IGDCC4: variants seen among roughly 807,000 people sequenced by gnomAD.
IGDCC4 encodes the protein immunoglobulin superfamily DCC subclass member 4.
IGDCC4 carries 72 observed loss-of-function variants against 116.6 expected under a neutral mutation model. That is an observed-to-expected ratio of 0.62 (90% CI 0.51 to 0.75). The LOEUF (loss-of-function observed/expected upper bound fraction) is 0.75. IGDCC4 is among the 30% of genes least tolerant of loss of function. The pLI is 0.00. For missense variants in IGDCC4, 1,501 were observed against 1,662.4 expected, an observed-to-expected ratio of 0.90 and a Z score of 1.69; for synonymous variants, 709 against 719.9, an observed-to-expected ratio of 0.98 and a Z score of 0.24.
chr15:65,395,220 C>T lies in IGDCC4; in HGVS notation c.1450G>A (p.Asp484Asn), dbSNP rs143498653. Residue 484 changes from aspartate to asparagine, a missense_variant, in exon 8 of 20, where the codon GAC becomes AAC. By Grantham distance (23) the Asp-to-Asn change is conservative (BLOSUM62 1). Transcript: ENST00000352385. ...NVEYQFAVNNDTTELQVRDLE... is the reference protein window; with the variant it reads ...NVEYQFAVNNNTTELQVRDLE... ...TCCCGAACCTGTAGTTCTGTGGTGT[C>T]GTTGTTCACTGCAAACTGGTATTCC... 116 of 1,613,686 alleles carry T rather than the reference C, an allele frequency of 7.2e-5. No homozygotes were observed. Among genetic ancestry groups the T allele is most frequent in the Middle Eastern group, 5.0e-4 (3 of 6,058 alleles).
chr15:65,408,522 G>C (rs2063060681), intron 3 of IGDCC4, among the ~76,000 whole-genome samples: 1 of 152,166 alleles, frequency 6.6e-6, no homozygotes, highest in Non-Finnish European at 1.5e-5. Flanking sequence ...CTGGGCAAAC[G>C]AGCCTAGGAA....
chr15:65,411,140 G>A lies in IGDCC4; in HGVS notation c.301C>T (p.Pro101Ser), dbSNP rs140428374. 3.3e-4 allele frequency: 535 copies of A among 1,614,224 alleles called. 1 individual carries two copies. Among genetic ancestry groups the A allele is most frequent in the Non-Finnish European group, 3.2e-4 (382 of 1,180,042 alleles). The change falls in exon 2 of 20, where the codon CCC (proline) becomes TCC (serine). Residue 101 changes from proline to serine, a missense_variant. Around this residue, in one of 3 missense-constraint regions of IGDCC4, gnomAD observed 898 missense variants for 978.9 expected, o/e 0.92. Coordinates refer to ENST00000352385, the MANE Select transcript of IGDCC4 (RefSeq NM_020962.3). ...GGGACTGACTCGTCACTGCCATTGGGTGCTAGTGGCTGGGACAGCCACAGG... is the reference window on the plus strand; with the variant it reads ...GGGACTGACTCGTCACTGCCATTGGATGCTAGTGGCTGGGACAGCCACAGG... ...GSLWLSQPLA[P>S]NGSDESVPEA...
At chr15:65,412,263 C>T (rs941185137) in intron 1 of IGDCC4, among the ~76,000 whole-genome samples, 3 of 151,968 alleles carry the variant, frequency 2.0e-5, no homozygotes, top group Non-Finnish European at 4.4e-5. Context: ...CCTGTAATCC[C>T]AGCACTTTGG....
At chr15:65,421,608 C>T (rs2063191171) in intron 1 of IGDCC4, among the ~76,000 whole-genome samples, 1 of 152,124 alleles carries the variant, frequency 6.6e-6, no homozygotes, top group African/African-American at 2.4e-5. Context: ...CTTCCCCCCG[C>T]CTCCCTCCCA....
At position 65,411,045 on chromosome 15, in the gene IGDCC4, G is replaced by A. The variant is rs1410339181; in HGVS notation, c.396C>T (p.Ser132=). 1 of 1,611,680 alleles carries A rather than the reference G, an allele frequency of 6.2e-7. No individual in the cohort carries two copies. The highest frequency in any genetic ancestry group is 1.7e-4 in the Middle Eastern group (1 of 6,040). The change falls in exon 2 of 20, where the codon AGC becomes AGT. Residue 132 remains serine, a synonymous_variant. Coordinates refer to ENST00000352385, the MANE Select transcript of IGDCC4 (RefSeq NM_020962.3). ...LAHGPLGVLA[S]QTAVVKLATL... is the part of the protein sequence containing the mutation. ...TGGCAAGCTTGACGACAGCAGTCTGGCTGGCCAGCACTCCGAGGGGGCCGT... is the reference window on the plus strand; with the variant it reads ...TGGCAAGCTTGACGACAGCAGTCTGACTGGCCAGCACTCCGAGGGGGCCGT...
Position 65,393,336 on chromosome 15 carries a change from T to C in IGDCC4, c.1885+25A>G, listed in dbSNP as rs377602724. 3.8e-6 allele frequency: 6 copies of C among 1,590,130 alleles called. No individual in the cohort carries two copies. In the South Asian group the frequency reaches 5.8e-5, roughly 15 times the overall value. On this transcript the variant is annotated intron_variant, in intron 10 of 19. Transcript: ENST00000352385. This position sits in a 1 kb window ranked among gnomAD's most constrained non-coding sequence, Gnocchi z 4.6. Reference sequence around the variant, plus strand: ...CACCCACACAGTCACACACACACTGTCCTGTCTCTCCTCTAACCCCGTACC... The same window carrying C: ...CACCCACACAGTCACACACACACTGCCCTGTCTCTCCTCTAACCCCGTACC...
rs757211682 is a variant in IGDCC4, at chr15:65,386,661, T to TG, written c.2846-6dup. The TG allele has an allele frequency of 1.2e-6, 2 of 1,606,794 alleles. No homozygotes were observed. The highest frequency in any genetic ancestry group is 1.7e-6 in the Non-Finnish European group (2 of 1,177,542). On this transcript the variant is annotated splice_region_variant and splice_polypyrimidine_tract_variant and intron_variant, in intron 16 of 19. Transcript: ENST00000352385. ...CTGAGTGCATGTCCAGCGAGTCTGG[T>TG]GGGGGAGAGAGAGGCACAGAGCAGG...
chr15:65,416,877 G>T (rs1279726267), intron 1 of IGDCC4, among the ~76,000 whole-genome samples: 1 of 152,158 alleles, frequency 6.6e-6, no homozygotes, highest in Admixed American at 6.5e-5. Flanking sequence ...AGGCCAATTA[G>T]AACCCAGACA....
At chr15:65,386,166 G>A in intron 17 of IGDCC4, 107 bp from the exon 18 acceptor site, 2 of 722,930 alleles carry the variant, frequency 2.8e-6, no homozygotes, top group Non-Finnish European at 4.6e-6. Context: ...CCCATCTCTG[G>A]GATTTGCTTT....
At chr15:65,416,297 C>G (rs1447515205) in intron 1 of IGDCC4, among the ~76,000 whole-genome samples, 2 of 151,874 alleles carry the variant, frequency 1.3e-5, no homozygotes, top group East Asian at 1.9e-4. Context: ...GCCACCATAC[C>G]CAGCTAATTT....
At chr15:65,420,611 A>G (rs1358261433) in intron 1 of IGDCC4, among the ~76,000 whole-genome samples, 3 of 151,382 alleles carry the variant, frequency 2.0e-5, no homozygotes, top group Non-Finnish European at 4.4e-5. Flanking sequence ...ATACTCCCTG[A>G]CCCCTTTCCA....
At chr15:65,389,545 G>A in intron 13 of IGDCC4, 134 bp from the exon 14 acceptor site, 1 of 1,223,002 alleles carries the variant, frequency 8.2e-7, no homozygotes, top group South Asian at 1.3e-5. Context: ...TCCCTGGCCT[G>A]GAGGCGACTA....
intron 16 of IGDCC4, among the ~76,000 whole-genome samples, chr15:65,387,349 GT>G (rs1442829948): frequency 6.6e-6 from 1 of 150,460 alleles, no homozygotes; most frequent in Non-Finnish European, 1.5e-5. Flanking sequence ...AGCTTTTTTT[GT>G]TTTTGTTTTT....
Position 65,411,573 on chromosome 15 carries a change from C to T in IGDCC4, c.71-203G>A, listed in dbSNP as rs75930882. Among the ~76,000 whole-genome samples the T allele has an allele frequency of 3.3e-4, 50 of 152,326 alleles. No homozygotes were observed. The East Asian group carries it at 9.2e-3, about 28-fold the overall frequency. On this transcript the variant is annotated intron_variant, in intron 1 of 19. Coordinates refer to ENST00000352385, the MANE Select transcript of IGDCC4 (RefSeq NM_020962.3). ...GTCTTCCCCTGCTGCTCAATTTCCT[C>T]ATAGCAGCATTATTCATAATAGCCA...
chr15:65,396,229 T>TC, intron 6 of IGDCC4, 66 bp from the exon 7 acceptor site: 1 of 1,040,506 alleles, frequency 9.6e-7, no homozygotes, highest in Non-Finnish European at 1.2e-6. Context: ...CCCCCCCCAG[T>TC]ACCCCAAGCC....
At chr15:65,402,688 A>T (rs1425454712) in intron 3 of IGDCC4, among the ~76,000 whole-genome samples, 1 of 152,114 alleles carries the variant, frequency 6.6e-6, no homozygotes, top group Non-Finnish European at 1.5e-5. Context: ...ACCAACATGG[A>T]GAAACCCCGT....
In IGDCC4 at chr15:65,402,504, CA is replaced by C; in HGVS notation, c.564-18del. 6.4e-7 allele frequency: 1 copy of C among 1,562,936 alleles called. No individual in the cohort carries two copies. The highest frequency in any genetic ancestry group is 1.3e-5 in the African/African-American group (1 of 74,080). On this transcript the variant is annotated intron_variant, in intron 3 of 19. Transcript: ENST00000352385. ...ACGATGAGCCTTGGGAAGAGGGGAGCAGGCAACTGTGAGGTGGGCAGGGGGG... is the reference window on the plus strand; with the variant it reads ...ACGATGAGCCTTGGGAAGAGGGGAGCGGCAACTGTGAGGTGGGCAGGGGGG...
At chr15:65,389,581 G>T (rs2091493443) in intron 13 of IGDCC4, among the ~76,000 whole-genome samples, 170 bp from the exon 14 acceptor site, 1 of 152,178 alleles carries the variant, frequency 6.6e-6, no homozygotes, top group Non-Finnish European at 1.5e-5. Context: ...CTACAGAGAA[G>T]TCTGGATGTA....
At chr15:65,399,517 T>TTA (rs2062964654) in intron 5 of IGDCC4, among the ~76,000 whole-genome samples, 2 of 151,250 alleles carry the variant, frequency 1.3e-5, no homozygotes, top group South Asian at 4.2e-4. Flanking sequence ...GAGTCTGCAG[T>TTA]TTTAATAAGT....
Sources: gnomAD v4.1 joint callset for allele counts (sites outside exome capture counted in the v4.1 genomes callset) on GRCh38, gnomAD v4.1.1 for gene constraint, gnomAD v4.1.1 regional missense constraint, Gnocchi (gnomAD v3.1) non-coding constraint, MANE v1.5 for transcripts, NCBI Gene and HGNC (gene_info 2026-07-23, HGNC 2026-07-21) for gene names.